Variants in PPARGC1A observed in about 807,000 individuals in gnomAD.
The protein encoded by PPARGC1A is peroxisome proliferator-activated receptor gamma coactivator 1-alpha.
In PPARGC1A, 25 loss-of-function variants were observed where a neutral mutation model predicts 88.7. That is an observed-to-expected ratio of 0.28 (90% CI 0.21 to 0.39). The LOEUF is 0.39. PPARGC1A is among the 10% of genes least tolerant of loss of function. The probability of loss-of-function intolerance (pLI) is 1.00; values close to 1 mark genes in which losing one functional copy is unlikely to be tolerated. For synonymous variants in PPARGC1A, 363 were observed against 355.6 expected (o/e 1.02, Z -0.24); for missense variants, 880 against 968.7 (o/e 0.91, Z 1.22).
chr4:24,011,034 T>C, the PPARGC1A span, among the ~76,000 whole-genome samples: 1 of 152,100 alleles, frequency 6.6e-6, no homozygotes, highest in Non-Finnish European at 1.5e-5. Flanking sequence ...CTGAGATGTA[T>C]GAAGAATTAG....
chr4:23,833,145 A>G (rs1463182319), intron 2 of PPARGC1A, among the ~76,000 whole-genome samples: 1 of 152,196 alleles, frequency 6.6e-6, no homozygotes, highest in Non-Finnish European at 1.5e-5. Flanking sequence ...TAAACAATTC[A>G]TTATAAAATA....
chr4:24,362,210 T>C, the PPARGC1A span, among the ~76,000 whole-genome samples: 1 of 152,208 alleles, frequency 6.6e-6, no homozygotes, highest in Non-Finnish European at 1.5e-5. Flanking sequence ...GCTGTGATCA[T>C]CTTCCTTTTT....
the PPARGC1A span, among the ~76,000 whole-genome samples, chr4:24,234,256 A>G: frequency 3.3e-5 from 5 of 152,232 alleles, no homozygotes; most frequent in African/African-American, 1.2e-4. Flanking sequence ...CGAGGCTTAT[A>G]AAGATCTTCA....
the PPARGC1A span, among the ~76,000 whole-genome samples, chr4:23,920,338 G>A: frequency 6.6e-6 from 1 of 152,170 alleles, no homozygotes; most frequent in Admixed American, 6.6e-5. Context: ...GCCTCTGGCT[G>A]CTACAACTTG....
At chr4:24,006,587 G>A in the PPARGC1A span, among the ~76,000 whole-genome samples, 1 of 152,144 alleles carries the variant, frequency 6.6e-6, no homozygotes, top group Admixed American at 6.5e-5. Flanking sequence ...AGAAAGGCTT[G>A]GACAGCTTTT....
chr4:24,427,604 G>T, the PPARGC1A span, among the ~76,000 whole-genome samples: 1 of 152,144 alleles, frequency 6.6e-6, no homozygotes, highest in Admixed American at 6.5e-5. Flanking sequence ...CAACGGTGCT[G>T]GATCTGCCTC....
the PPARGC1A span, among the ~76,000 whole-genome samples, chr4:24,392,686 C>T: frequency 2.0e-5 from 3 of 152,086 alleles, no homozygotes; most frequent in East Asian, 5.8e-4. Flanking sequence ...GTAGTGGTAC[C>T]AGATCTTTTT....
chr4:24,368,198 T>C, the PPARGC1A span, among the ~76,000 whole-genome samples: 1 of 152,142 alleles, frequency 6.6e-6, no homozygotes, highest in African/African-American at 2.4e-5. Context: ...AACTGAAAAC[T>C]ACAGTAAGAA....
the PPARGC1A span, among the ~76,000 whole-genome samples, chr4:23,947,386 TATATATATATAAAA>T: frequency 0.037 from 401 of 10,940 alleles, 18 homozygotes; most frequent in South Asian, 0.16. Flanking sequence ...TATATATATA[TATATATATATAAAA>T]AAAACGGTGA....
At chr4:23,801,254 C>T (rs1718664866) in intron 12 of PPARGC1A, among the ~76,000 whole-genome samples, 1 of 151,820 alleles carries the variant, frequency 6.6e-6, no homozygotes. Flanking sequence ...TACCTGCATA[C>T]ATACACACAC....
the PPARGC1A span, among the ~76,000 whole-genome samples, chr4:24,201,423 G>A: frequency 6.6e-6 from 1 of 152,240 alleles, no homozygotes; most frequent in African/African-American, 2.4e-5. Flanking sequence ...CCTGGGTGTT[G>A]TTCACGAGCA....
In PPARGC1A at chr4:23,867,256, T is replaced by A. The variant is rs191871773; in HGVS notation, c.234+17496A>T. On this transcript the variant is annotated intron_variant, in intron 2 of 12. Coordinates refer to ENST00000264867, the MANE Select transcript of PPARGC1A (RefSeq NM_013261.5). ...TTTTATAATTAGTTGCCGAAGTCTGTCTTTCTCACTAGCCAACCAACTCCT... is the reference window on the plus strand; with the variant it reads ...TTTTATAATTAGTTGCCGAAGTCTGACTTTCTCACTAGCCAACCAACTCCT... 3.0e-4 allele frequency among the ~76,000 whole-genome samples: 45 copies of A among 152,326 alleles called. No individual in the cohort carries two copies. In the East Asian group the frequency reaches 8.5e-3, roughly 29 times the overall value.
At chr4:24,060,621 T>G in the PPARGC1A span, among the ~76,000 whole-genome samples, 1 of 152,190 alleles carries the variant, frequency 6.6e-6, no homozygotes, top group East Asian at 1.9e-4. Context: ...AAGATGTAAT[T>G]TTTTTAAAGG....
intron 3 of PPARGC1A, among the ~76,000 whole-genome samples, chr4:23,830,462 A>T (rs1275018919): frequency 6.6e-6 from 1 of 152,228 alleles, no homozygotes; most frequent in Non-Finnish European, 1.5e-5. Flanking sequence ...CAATGGAAAG[A>T]AATCAGGGTA....
At chr4:23,854,861 G>T (rs1729905042) in intron 2 of PPARGC1A, among the ~76,000 whole-genome samples, 1 of 152,038 alleles carries the variant, frequency 6.6e-6, no homozygotes, top group Middle Eastern at 3.2e-3. Context: ...GGAAAGAAAG[G>T]CCTGTTTCCA....
chr4:23,822,552 CTT>C (rs563421577), intron 7 of PPARGC1A, among the ~76,000 whole-genome samples: 1,812 of 152,164 alleles, frequency 0.012, 20 homozygotes, highest in Admixed American at 0.044. Flanking sequence ...TTTGATAACT[CTT>C]TTTCTCCCTT....
intron 1 of PPARGC1A, among the ~76,000 whole-genome samples, chr4:23,887,268 A>G (rs536947843): frequency 1.3e-4 from 20 of 152,198 alleles, no homozygotes; most frequent in African/African-American, 4.3e-4. Context: ...GTTCTTGCCA[A>G]TGTTGACATG....
the PPARGC1A span, among the ~76,000 whole-genome samples, chr4:24,330,606 T>A: frequency 6.6e-6 from 1 of 152,070 alleles, no homozygotes; most frequent in South Asian, 2.1e-4. Flanking sequence ...CCCAAAATTG[T>A]AAGAGAGAAT....
chr4:24,035,937 T>C, the PPARGC1A span, among the ~76,000 whole-genome samples: 76 of 152,316 alleles, frequency 5.0e-4, no homozygotes, highest in South Asian at 6.2e-4. Context: ...TAAATGATGT[T>C]ATCCCAGAGA....
Sources: allele counts gnomAD v4.1 joint callset (sites outside exome capture counted in the v4.1 genomes callset), GRCh38; gene constraint gnomAD v4.1.1; transcripts MANE v1.5; gene names NCBI Gene and HGNC (gene_info 2026-07-23, HGNC 2026-07-21).